MTM1: variants seen among roughly 807,000 people sequenced by gnomAD.
The protein encoded by MTM1 is myotubularin.
MTM1 carries 9 observed loss-of-function variants against 52.1 expected under a neutral mutation model. The ratio of observed to expected loss-of-function variants is 0.17; its 90% CI spans 0.10 to 0.30. The LOEUF is 0.30. MTM1 is among the 10% of genes least tolerant of loss of function. The probability of loss-of-function intolerance (pLI) is 1.00; values close to 1 mark genes in which losing one functional copy is unlikely to be tolerated. For synonymous variants in MTM1, 136 were observed against 163.8 expected, an observed-to-expected ratio of 0.83 and a Z score of 1.29; for missense variants, 277 against 470.7, an observed-to-expected ratio of 0.59 and a Z score of 3.81.
chrX:150,609,925 T>C (rs1318040554), intron 4 of MTM1, among the ~76,000 whole-genome samples: 3 of 111,663 alleles, frequency 2.7e-5, no homozygotes, highest in Non-Finnish European at 5.6e-5. Flanking sequence ...GCATTCCTGT[T>C]CTCCAGAAGC....
intron 9 of MTM1, among the ~76,000 whole-genome samples, chrX:150,646,787 C>T (rs1019959556): frequency 1.8e-5 from 2 of 112,412 alleles, no homozygotes; most frequent in Non-Finnish European, 3.7e-5. Flanking sequence ...GAACATAAGA[C>T]AAGAACCAGA....
At chrX:150,574,745 T>C (rs1431451653) in intron 1 of MTM1, among the ~76,000 whole-genome samples, 2 of 112,062 alleles carry the variant, frequency 1.8e-5, no homozygotes, top group Non-Finnish European at 3.8e-5. Flanking sequence ...TGTGGAGAGA[T>C]ACATTTGGTC....
At chrX:150,603,694 C>T (rs2039104075) in intron 4 of MTM1, among the ~76,000 whole-genome samples, 1 of 112,143 alleles carries the variant, frequency 8.9e-6, no homozygotes, top group African/African-American at 3.2e-5. Flanking sequence ...CATGGACTTA[C>T]AGCTCTACAA....
intron 2 of MTM1, among the ~76,000 whole-genome samples, chrX:150,594,671 A>G (rs1557412567): frequency 2.7e-5 from 3 of 112,162 alleles, no homozygotes; most frequent in Non-Finnish European, 5.6e-5. Flanking sequence ...AGTAATTTCA[A>G]GAATGTAACT....
At position 150,637,290 on chromosome X, in the gene MTM1, A is replaced by C. The variant is rs782183540; in HGVS notation, c.445-1653A>C. Among the ~76,000 whole-genome samples the C allele has an allele frequency of 3.6e-5, 4 of 112,027 alleles. No individual in the cohort carries two copies. The South Asian group carries it at 1.5e-3, about 42-fold the overall frequency. On this transcript the variant is annotated intron_variant, in intron 6 of 14. Coordinates refer to ENST00000370396, the MANE Select transcript of MTM1 (RefSeq NM_000252.3). ...GTAGGGGAGGGAACACTGGTGTTCAAAGTGATTAGTCTGATGACAGAGGAA... is the reference window on the plus strand; with the variant it reads ...GTAGGGGAGGGAACACTGGTGTTCACAGTGATTAGTCTGATGACAGAGGAA...
intron 6 of MTM1, among the ~76,000 whole-genome samples, chrX:150,625,818 T>C (rs1242952822): frequency 8.9e-6 from 1 of 112,750 alleles, no homozygotes; most frequent in East Asian, 2.8e-4. Flanking sequence ...GTGGGAGATA[T>C]TTGACCTTCT....
intron 1 of MTM1, among the ~76,000 whole-genome samples, chrX:150,575,395 T>C (rs978874804): frequency 8.9e-6 from 1 of 112,593 alleles, no homozygotes; most frequent in East Asian, 2.8e-4. Context: ...TAAAAAGTGG[T>C]CCCAGCGTGC....
At chrX:150,632,436 C>T (rs1311564919) in intron 6 of MTM1, among the ~76,000 whole-genome samples, 3 of 111,841 alleles carry the variant, frequency 2.7e-5, no homozygotes, top group African/African-American at 9.8e-5. Flanking sequence ...CAGAGCCTAA[C>T]ATTCCCCACT....
intron 6 of MTM1, among the ~76,000 whole-genome samples, chrX:150,629,112 A>G (rs914552004): frequency 9.0e-6 from 1 of 111,349 alleles, no homozygotes; most frequent in Non-Finnish European, 1.9e-5. Flanking sequence ...TCTGTCTCCT[A>G]TCCCTTGCCC....
chrX:150,566,534 ACT>A (rs2148388331), upstream of MTM1, among the ~76,000 whole-genome samples: 1 of 110,557 alleles, frequency 9.0e-6, no homozygotes, highest in African/African-American at 3.3e-5. Flanking sequence ...GGCAGGGGTT[ACT>A]CTCTCCATTT....
At position 150,586,875 on chromosome X, in the gene MTM1, C is replaced by T. The variant is rs182556594; in HGVS notation, c.-10-5730C>T. 3.9e-5 allele frequency among the ~76,000 whole-genome samples: 4 copies of T among 102,706 alleles called. No individual in the cohort carries two copies. In the East Asian group the frequency reaches 1.2e-3, roughly 31 times the overall value. 89.2% of individuals were successfully genotyped at this position (102,706 alleles called of 115,157 possible). Reference sequence around the variant, plus strand: ...GTTACGGTGAGCTGAGGTGGTACCACTGCACTCCAGCCTGAGCGACAGAGT... The same window carrying T: ...GTTACGGTGAGCTGAGGTGGTACCATTGCACTCCAGCCTGAGCGACAGAGT... On this transcript the variant is annotated intron_variant, in intron 1 of 14. Transcript: ENST00000370396.
intron 14 of MTM1, among the ~76,000 whole-genome samples, chrX:150,665,420 G>A (rs1204409423): frequency 3.6e-5 from 4 of 112,601 alleles, no homozygotes; most frequent in Admixed American, 9.4e-5. Context: ...TATGAATTAA[G>A]TACATTAGGT....
Position 150,616,943 on chromosome X carries a change from A to T in MTM1, c.343-2095A>T, listed in dbSNP as rs181933410. Among the ~76,000 whole-genome samples the T allele has an allele frequency of 1.1e-3, 122 of 111,829 alleles. 1 individual carries two copies. The highest frequency in any genetic ancestry group is 9.6e-3 in the Admixed American group (101 of 10,566). Reference sequence around the variant, plus strand: ...TGTTAAAAAGGCTGAGGGTCTGACTAGGAGACTCTTAGCCCATGTGGATCT... The same window carrying T: ...TGTTAAAAAGGCTGAGGGTCTGACTTGGAGACTCTTAGCCCATGTGGATCT... On this transcript the variant is annotated intron_variant, in intron 5 of 14. Transcript: ENST00000370396.
intron 5 of MTM1, among the ~76,000 whole-genome samples, chrX:150,617,162 A>C (rs1316536311): frequency 8.9e-6 from 1 of 112,994 alleles, no homozygotes; most frequent in Non-Finnish European, 1.9e-5. Flanking sequence ...TACTTGAATC[A>C]CTTGTGCTTT....
chrX:150,591,028 G>A, intron 1 of MTM1: 1 of 750,305 alleles, frequency 1.3e-6, no homozygotes, highest in Non-Finnish European at 1.6e-6. Flanking sequence ...ATTTTGCTTG[G>A]ACATGAACTT....
At chrX:150,648,628 A>G (rs222355) in intron 9 of MTM1, among the ~76,000 whole-genome samples, 1,606 of 112,963 alleles carry the variant, frequency 0.014, 36 homozygotes, top group African/African-American at 0.049. Flanking sequence ...TTTAAGCAGA[A>G]TGCAGCCAGA....
chrX:150,567,843 C>T (rs1251183257), upstream of MTM1, among the ~76,000 whole-genome samples: 1 of 112,449 alleles, frequency 8.9e-6, no homozygotes, highest in African/African-American at 3.2e-5. Flanking sequence ...CGTGAGCCAC[C>T]GCGCCCGGCC....
At chrX:150,667,313 T>G (rs2040320587) in intron 14 of MTM1, among the ~76,000 whole-genome samples, 1 of 111,493 alleles carries the variant, frequency 9.0e-6, no homozygotes, top group Admixed American at 9.6e-5. Context: ...TCATCTCCCT[T>G]AAGTCTTTCC....
At chrX:150,616,788 A>G (rs2039394335) in intron 5 of MTM1, among the ~76,000 whole-genome samples, 1 of 112,430 alleles carries the variant, frequency 8.9e-6, no homozygotes, top group Admixed American at 9.4e-5. Context: ...TTTTGAAGTC[A>G]GCAGTCATGT....
Sources: allele counts gnomAD v4.1 joint callset (sites outside exome capture counted in the v4.1 genomes callset), GRCh38; gene constraint gnomAD v4.1.1; transcripts MANE v1.5; gene names NCBI Gene and HGNC (gene_info 2026-07-23, HGNC 2026-07-21).